Variants in SH3RF1 observed in about 807,000 individuals in gnomAD.
SH3RF1 encodes the protein SH3 domain containing ring finger 1, also known as E3 ubiquitin-protein ligase SH3RF1.
A neutral mutation model predicts 74.0 loss-of-function variants in SH3RF1; 32 were observed. The ratio of observed to expected loss-of-function variants is 0.43; its 90% CI spans 0.33 to 0.58. The LOEUF (loss-of-function observed/expected upper bound fraction) is 0.58. SH3RF1 is among the 20% of genes least tolerant of loss of function. The pLI is 0.05. For missense variants in SH3RF1, 954 were observed against 1,130.9 expected (o/e 0.84, Z 2.24); for synonymous variants, 396 against 439.6 (o/e 0.90, Z 1.24).
chr4:169,125,639 G>A (rs1733513149), intron 6 of SH3RF1, among the ~76,000 whole-genome samples: 1 of 152,144 alleles, frequency 6.6e-6, no homozygotes, highest in African/African-American at 2.4e-5. Flanking sequence ...CACTCCCAGG[G>A]TAGAAAAGTG....
intron 2 of SH3RF1, among the ~76,000 whole-genome samples, chr4:169,158,621 C>T (rs980797859): frequency 6.6e-6 from 1 of 152,152 alleles, no homozygotes; most frequent in African/African-American, 2.4e-5. Flanking sequence ...GTGAAGTGGG[C>T]AGGCAGGCAG....
At position 169,136,461 on chromosome 4, in the gene SH3RF1, T is replaced by C. The variant is rs1561033392; in HGVS notation, c.925A>G (p.Thr309Ala). Residue 309 changes from threonine to alanine, a missense_variant, in exon 5 of 12, where the codon ACT (threonine) becomes GCT (alanine). Physicochemically the swap from Thr to Ala is moderately conservative, Grantham distance 58. This residue lies in a region of SH3RF1 where 854 missense variants were observed against 962.5 expected (regional missense o/e 0.89). Transcript: ENST00000284637. ...GCCTGGGAGGACTTGTTGGCCATAG[T>C]GAGGGAAGTGAAGGAGTGCCGCTTT... is the stretch of plus-strand genomic sequence containing the variant. ...TKKRHSFTSL[T>A]MANKSSQASQ... 1 of 1,612,848 alleles carries C rather than the reference T, an allele frequency of 6.2e-7. No homozygotes were observed. Among genetic ancestry groups the C allele is most frequent in the South Asian group, 1.1e-5 (1 of 90,922 alleles).
chr4:169,160,495 T>C (rs1734133531), intron 2 of SH3RF1, among the ~76,000 whole-genome samples: 1 of 152,196 alleles, frequency 6.6e-6, no homozygotes, highest in Non-Finnish European at 1.5e-5. Flanking sequence ...CAACTGAAAA[T>C]TCATTAATTC....
At chr4:169,099,277 T>C (rs1732977908) in intron 11 of SH3RF1, among the ~76,000 whole-genome samples, 1 of 152,132 alleles carries the variant, frequency 6.6e-6, no homozygotes. Flanking sequence ...TTTGTAGGGA[T>C]GGCATCTCAC....
chr4:169,230,717 G>T (rs1334679644), intron 2 of SH3RF1, among the ~76,000 whole-genome samples: 3 of 151,970 alleles, frequency 2.0e-5, no homozygotes, highest in Non-Finnish European at 4.4e-5. Context: ...AAATTAGCTG[G>T]GCGTGGTGGC....
At chr4:169,200,019 T>C (rs1336862062) in intron 2 of SH3RF1, among the ~76,000 whole-genome samples, 2 of 152,098 alleles carry the variant, frequency 1.3e-5, no homozygotes, top group Non-Finnish European at 2.9e-5. Flanking sequence ...TAAAGTTATG[T>C]ACTACATCAG....
chr4:169,263,936 G>A (rs1731315623), intron 2 of SH3RF1, among the ~76,000 whole-genome samples: 1 of 152,190 alleles, frequency 6.6e-6, no homozygotes. Context: ...GGTAGTTGAG[G>A]GAGTAGGGAG....
intron 2 of SH3RF1, among the ~76,000 whole-genome samples, chr4:169,167,383 A>G (rs1445617981): frequency 6.6e-6 from 1 of 152,212 alleles, no homozygotes. Flanking sequence ...TCTAATACTG[A>G]TTGAAAAATT....
chr4:169,098,016 C>T (rs1732959879), intron 11 of SH3RF1, among the ~76,000 whole-genome samples: 2 of 152,162 alleles, frequency 1.3e-5, no homozygotes, highest in Non-Finnish European at 2.9e-5. Context: ...ATCCTCCAGC[C>T]CCAGTTGAGC....
At chr4:169,209,923 G>A (rs1730330234) in intron 2 of SH3RF1, among the ~76,000 whole-genome samples, 1 of 152,040 alleles carries the variant, frequency 6.6e-6, no homozygotes, top group African/African-American at 2.4e-5. Flanking sequence ...CCAAGTAGCT[G>A]GGACTACAGG....
chr4:169,235,530 A>G (rs911339761), intron 2 of SH3RF1, among the ~76,000 whole-genome samples: 8 of 152,202 alleles, frequency 5.3e-5, no homozygotes, highest in Admixed American at 4.6e-4. Flanking sequence ...TCACACAGGC[A>G]ATCTGTGACA....
intron 2 of SH3RF1, among the ~76,000 whole-genome samples, chr4:169,215,084 C>G (rs774710911): frequency 5.3e-5 from 8 of 152,070 alleles, no homozygotes; most frequent in Non-Finnish European, 1.0e-4. Context: ...ATGTTGTTAT[C>G]TGTAGGATTT....
chr4:169,104,344 A>T (rs2126936528), intron 11 of SH3RF1, among the ~76,000 whole-genome samples: 1 of 152,318 alleles, frequency 6.6e-6, no homozygotes, highest in Admixed American at 6.5e-5. Flanking sequence ...CAAACAAGTA[A>T]CTGGACCAAC....
intron 2 of SH3RF1, among the ~76,000 whole-genome samples, chr4:169,225,145 G>T (rs535135568): frequency 6.6e-6 from 1 of 152,318 alleles, no homozygotes; most frequent in African/African-American, 2.4e-5. Flanking sequence ...ATGACCAGCT[G>T]ACCCTGAGAT....
chr4:169,247,189 G>A (rs1031801904), intron 2 of SH3RF1, among the ~76,000 whole-genome samples: 1 of 152,236 alleles, frequency 6.6e-6, no homozygotes, highest in Non-Finnish European at 1.5e-5. Flanking sequence ...GGACAGTGGA[G>A]AGGGTCAAGA....
intron 4 of SH3RF1, among the ~76,000 whole-genome samples, chr4:169,148,984 T>C (rs1057164217): frequency 2.6e-5 from 4 of 152,214 alleles, no homozygotes; most frequent in Non-Finnish European, 5.9e-5. Context: ...GGAGTCATTG[T>C]GGACCTTAGA....
At chr4:169,190,973 A>G (rs976741703) in intron 2 of SH3RF1, among the ~76,000 whole-genome samples, 3 of 152,190 alleles carry the variant, frequency 2.0e-5, no homozygotes, top group African/African-American at 7.2e-5. Flanking sequence ...AACAAAAATC[A>G]CATCATCATC....
At chr4:169,262,985 C>T (rs557031353) in intron 2 of SH3RF1, among the ~76,000 whole-genome samples, 5 of 151,062 alleles carry the variant, frequency 3.3e-5, no homozygotes, top group Non-Finnish European at 7.4e-5. Flanking sequence ...ATGGTTTAGC[C>T]AAAACAAACA....
chr4:169,151,176 G>A (rs184155427), intron 4 of SH3RF1, among the ~76,000 whole-genome samples: 1 of 152,306 alleles, frequency 6.6e-6, no homozygotes, highest in African/African-American at 2.4e-5. Context: ...CAGGCGCTGT[G>A]CAAAGACCCT....
Sources: gnomAD v4.1 joint callset for allele counts (sites outside exome capture counted in the v4.1 genomes callset) on GRCh38, gnomAD v4.1.1 for gene constraint, gnomAD v4.1.1 regional missense constraint, MANE v1.5 for transcripts, NCBI Gene and HGNC (gene_info 2026-07-23, HGNC 2026-07-21) for gene names.